The following PCDH7 variants were observed in gnomAD, a reference collection of about 807,000 sequenced individuals.
PCDH7 encodes protocadherin-7.
PCDH7 carries 17 observed loss-of-function variants against 58.9 expected under a neutral mutation model. The observed-to-expected ratio is 0.29, with a 90% CI of 0.20 to 0.43. The LOEUF is 0.43. PCDH7 is among the 20% of genes least tolerant of loss of function. The probability of loss-of-function intolerance (pLI) is 1.00; values close to 1 mark genes in which losing one functional copy is unlikely to be tolerated. For missense variants in PCDH7, 1,274 were observed against 1,441.0 expected, an observed-to-expected ratio of 0.88 and a Z score of 1.88; for synonymous variants, 664 against 616.4, an observed-to-expected ratio of 1.08 and a Z score of -1.14.
At chr4:30,874,876 C>T (rs1736100147) in intron 1 of PCDH7, among the ~76,000 whole-genome samples, 1 of 151,836 alleles carries the variant, frequency 6.6e-6, no homozygotes, top group African/African-American at 2.4e-5. Context: ...ACTGTTGGAG[C>T]TTTTATTATT....
At chr4:31,006,859 T>C (rs1752804745) in intron 3 of PCDH7, among the ~76,000 whole-genome samples, 1 of 148,114 alleles carries the variant, frequency 6.8e-6, no homozygotes, top group Admixed American at 6.8e-5. Context: ...GCTACTGCAC[T>C]CCAGCCTGGG....
At chr4:30,724,878 A>G in intron 1 of PCDH7, 1 of 1,213,232 alleles carries the variant, frequency 8.2e-7, no homozygotes, top group Non-Finnish European at 1.0e-6. Context: ...TCCCTAATTC[A>G]TACTACATTT....
Position 30,883,597 on chromosome 4 carries a change from C to T in PCDH7, c.71-36556C>T, listed in dbSNP as rs572136246. 1.8e-4 allele frequency among the ~76,000 whole-genome samples: 27 copies of T among 152,328 alleles called. No individual in the cohort carries two copies. In the East Asian group the frequency reaches 4.0e-3, roughly 23 times the overall value. ...CCACATGCACAATATGACTGTAACA[C>T]TTTCATCCAATAGTATTTGCTTTTA... is the stretch of plus-strand genomic sequence containing the variant. On this transcript the variant is annotated intron_variant, in intron 1 of 3. Coordinates refer to the PCDH7 transcript ENST00000509759.
chr4:30,936,641 T>A (rs1424856766), intron 2 of PCDH7, among the ~76,000 whole-genome samples: 1 of 150,530 alleles, frequency 6.6e-6, no homozygotes, highest in Admixed American at 6.6e-5. Flanking sequence ...ATTTTTTTTT[T>A]GTTTTTTGCA....
At chr4:30,791,167 G>T (rs1424617324) in intron 1 of PCDH7, among the ~76,000 whole-genome samples, 1 of 152,000 alleles carries the variant, frequency 6.6e-6, no homozygotes, top group African/African-American at 2.4e-5. Flanking sequence ...AGCCTAATGG[G>T]GTCACAGCCA....
intron 3 of PCDH7, among the ~76,000 whole-genome samples, chr4:30,967,885 A>G (rs1749134341): frequency 6.6e-6 from 1 of 152,048 alleles, no homozygotes; most frequent in Admixed American, 6.5e-5. Context: ...GCTGAGGTGT[A>G]TTTCATGCAT....
chr4:30,766,524 C>T (rs1720772720), intron 1 of PCDH7, among the ~76,000 whole-genome samples: 1 of 151,976 alleles, frequency 6.6e-6, no homozygotes, highest in South Asian at 2.1e-4. Flanking sequence ...CTTAAGACAA[C>T]TGCATTAGGG....
At chr4:30,791,170 C>T (rs1177844767) in intron 1 of PCDH7, among the ~76,000 whole-genome samples, 4 of 152,026 alleles carry the variant, frequency 2.6e-5, no homozygotes, top group Admixed American at 2.6e-4. Flanking sequence ...CTAATGGGGT[C>T]ACAGCCAACC....
chr4:30,723,533 A>G lies in PCDH7; in HGVS notation c.2111A>G (p.His704Arg), dbSNP rs781489957. ...TCCACAATGTCTTTTGACCGGGAAC[A>G]TCAGACCACATACACTTTCAGAGTC... Residue 704 changes from histidine to arginine, a missense_variant, in exon 1 of 2, where the codon CAT becomes CGT. Around this residue, in one of 3 missense-constraint regions of PCDH7, gnomAD observed 731 missense variants for 881.9 expected, o/e 0.83. Coordinates refer to ENST00000361762, the Ensembl canonical transcript of PCDH7. This position sits in a 1 kb window ranked among gnomAD's most constrained non-coding sequence, Gnocchi z 4.6. 3 of 1,614,178 alleles carry G rather than the reference A, an allele frequency of 1.9e-6. No homozygotes were observed. Among genetic ancestry groups the G allele is most frequent in the Non-Finnish European group, 2.5e-6 (3 of 1,180,028 alleles).
At chr4:30,802,519 C>G (rs1406685410) in intron 1 of PCDH7, among the ~76,000 whole-genome samples, 3 of 151,694 alleles carry the variant, frequency 2.0e-5, no homozygotes, top group Admixed American at 2.0e-4. Flanking sequence ...CTGTCAGAGG[C>G]AGGAAGGAGT....
chr4:31,014,500 C>G lies in PCDH7; in HGVS notation c.*7+64285C>G, dbSNP rs187277344. On this transcript the variant is annotated intron_variant, in intron 3 of 3. Coordinates refer to the PCDH7 transcript ENST00000509759. Reference sequence around the variant, plus strand: ...AAGTGGAGAGGAGGATGGGACAGGACTGGACTGAACTGAGCAGAAGGCAAG... The same window carrying G: ...AAGTGGAGAGGAGGATGGGACAGGAGTGGACTGAACTGAGCAGAAGGCAAG... Among the ~76,000 whole-genome samples, 147 of 152,156 alleles carry G rather than the reference C, an allele frequency of 9.7e-4. 4 individuals carry two copies. The highest frequency in any genetic ancestry group is 2.2e-4 in the Non-Finnish European group (15 of 67,990).
At chr4:30,922,771 C>T (rs1444472640) in intron 2 of PCDH7, among the ~76,000 whole-genome samples, 1 of 152,200 alleles carries the variant, frequency 6.6e-6, no homozygotes, top group East Asian at 1.9e-4. Context: ...TTGTCATCTA[C>T]TGGCTGTGAT....
chr4:30,838,447 C>G (rs1176073145), intron 1 of PCDH7, among the ~76,000 whole-genome samples: 1 of 152,028 alleles, frequency 6.6e-6, no homozygotes, highest in Non-Finnish European at 1.5e-5. Context: ...AGTCAAATCC[C>G]TTGCCTCGTT....
chr4:31,064,724 C>T (rs927055549), intron 3 of PCDH7, among the ~76,000 whole-genome samples: 2 of 151,920 alleles, frequency 1.3e-5, no homozygotes, highest in African/African-American at 4.8e-5. Context: ...ACCCACCATC[C>T]TCCAGTATGA....
At chr4:31,040,505 A>T (rs1373376658) in intron 3 of PCDH7, among the ~76,000 whole-genome samples, 1 of 152,236 alleles carries the variant, frequency 6.6e-6, no homozygotes, top group Admixed American at 6.5e-5. Flanking sequence ...AAATAACCTT[A>T]GTTCAAACTA....
chr4:30,880,629 T>A (rs1197340639), intron 1 of PCDH7, among the ~76,000 whole-genome samples: 4 of 152,184 alleles, frequency 2.6e-5, no homozygotes, highest in African/African-American at 9.6e-5. Context: ...TCTTGCCTAT[T>A]TATTTCCATT....
chr4:31,070,257 A>G (rs947968619), intron 3 of PCDH7, among the ~76,000 whole-genome samples: 1 of 152,088 alleles, frequency 6.6e-6, no homozygotes, highest in African/African-American at 2.4e-5. Flanking sequence ...ATCGATTGAC[A>G]AATACACAGG....
intron 3 of PCDH7, among the ~76,000 whole-genome samples, chr4:31,095,403 A>G (rs1291619390): frequency 6.6e-6 from 1 of 152,130 alleles, no homozygotes; most frequent in Non-Finnish European, 1.5e-5. Context: ...CCTACTGAGA[A>G]TCGACTTACT....
At chr4:31,056,404 G>GAAAGAAAGAAGGAAAGAAGGAAAGAA (rs1163875273) in intron 3 of PCDH7, among the ~76,000 whole-genome samples, 1 of 129,540 alleles carries the variant, frequency 7.7e-6, no homozygotes, top group Non-Finnish European at 1.6e-5. Flanking sequence ...AGGAAAGGAA[G>GAAAGAAAGAAGGAAAGAAGGAAAGAA]AAAGAAAGAA....
Sources: allele counts gnomAD v4.1 joint callset (sites outside exome capture counted in the v4.1 genomes callset), GRCh38; gene constraint gnomAD v4.1.1; regional missense constraint gnomAD v4.1.1; non-coding constraint Gnocchi (gnomAD v3.1); transcripts MANE v1.5; gene names NCBI Gene and HGNC (gene_info 2026-07-23, HGNC 2026-07-21).